Variants in COP1 observed in about 807,000 individuals in gnomAD.
The protein encoded by COP1 is COP1 E3 ubiquitin ligase.
In COP1, 24 loss-of-function variants were observed where a neutral mutation model predicts 101.3. The ratio of observed to expected loss-of-function variants is 0.24; its 90% CI spans 0.17 to 0.33. The LOEUF (loss-of-function observed/expected upper bound fraction) is 0.33, where lower values mean the gene tolerates loss of function less well. Among genes scored for constraint, COP1 ranks in the 10% least tolerant of loss-of-function variants. COP1 has a pLI of 1.00. For synonymous variants in COP1, 347 were observed against 341.9 expected (o/e 1.01, Z -0.17); for missense variants, 663 against 906.2 (o/e 0.73, Z 3.45).
rs74557986 is a variant in COP1, at chr1:176,156,977, C to T, written c.762+5892G>A. On this transcript the variant is annotated intron_variant, in intron 5 of 19. Transcript: ENST00000367669. Reference sequence around the variant, plus strand: ...CTTTTGGAGGCCAAGGCAGGCAGATCACCCAAGGCCAGGAGTTCGAGACCA... The same window carrying T: ...CTTTTGGAGGCCAAGGCAGGCAGATTACCCAAGGCCAGGAGTTCGAGACCA... 3.1e-3 allele frequency among the ~76,000 whole-genome samples: 478 copies of T among 152,238 alleles called. 1 individual carries two copies. Among genetic ancestry groups the T allele is most frequent in the African/African-American group, 0.011 (458 of 41,546 alleles).
At chr1:176,149,198 T>C in intron 5 of COP1, 124 bp from the exon 6 acceptor site, 1 of 469,502 alleles carries the variant, frequency 2.1e-6, no homozygotes, top group Non-Finnish European at 3.7e-6. Context: ...CTATTATTTC[T>C]ATTTAATCAG....
At chr1:175,950,370 A>C (rs530475575) in intron 18 of COP1, among the ~76,000 whole-genome samples, 3 of 152,346 alleles carry the variant, frequency 2.0e-5, no homozygotes, top group Admixed American at 2.0e-4. Context: ...GAATTAAACT[A>C]TCAGATAGCT....
chr1:176,173,342 A>AC (rs1696400770), intron 3 of COP1, among the ~76,000 whole-genome samples: 2 of 151,088 alleles, frequency 1.3e-5, no homozygotes, highest in African/African-American at 2.4e-5. Flanking sequence ...AAAAAAAAAA[A>AC]AACCAGTAAT....
At chr1:175,952,294 A>T (rs1650041053) in intron 18 of COP1, among the ~76,000 whole-genome samples, 1 of 151,734 alleles carries the variant, frequency 6.6e-6, no homozygotes, top group Non-Finnish European at 1.5e-5. Context: ...TGGTGGCAGG[A>T]GCCTGTAATC....
At chr1:176,202,364 T>G (rs564038699) in intron 1 of COP1, among the ~76,000 whole-genome samples, 1 of 152,064 alleles carries the variant, frequency 6.6e-6, no homozygotes, top group South Asian at 2.1e-4. Context: ...AATTTTTGTA[T>G]TTTTTGTAGA....
chr1:175,975,765 A>T (rs2148644556), intron 18 of COP1, among the ~76,000 whole-genome samples: 1 of 152,318 alleles, frequency 6.6e-6, no homozygotes, highest in South Asian at 2.1e-4. Context: ...TGAAAAGGAA[A>T]CACAAGTATG....
chr1:176,049,140 C>T (rs2149221456), intron 11 of COP1, among the ~76,000 whole-genome samples: 1 of 148,446 alleles, frequency 6.7e-6, no homozygotes, highest in South Asian at 2.2e-4. Context: ...CCATTGCAGT[C>T]CGCAGTCCGG....
At chr1:176,055,387 A>G (rs1448131460) in intron 11 of COP1, among the ~76,000 whole-genome samples, 1 of 152,228 alleles carries the variant, frequency 6.6e-6, no homozygotes, top group East Asian at 1.9e-4. Context: ...GTAAGCCGAG[A>G]TCGCACCACT....
intron 11 of COP1, among the ~76,000 whole-genome samples, chr1:176,063,056 T>TG (rs1675218496): frequency 7.2e-6 from 1 of 138,762 alleles, no homozygotes; most frequent in Non-Finnish European, 1.6e-5. Context: ...TGTTTTTTTT[T>TG]TTTTTTTTTT....
At chr1:175,958,348 A>G (rs1650925960) in intron 18 of COP1, among the ~76,000 whole-genome samples, 2 of 134,320 alleles carry the variant, frequency 1.5e-5, no homozygotes, top group South Asian at 2.6e-4. Context: ...TATCACTACT[A>G]TATTTATGAG....
chr1:176,158,317 G>C (rs1413730385), intron 5 of COP1, among the ~76,000 whole-genome samples: 1 of 152,024 alleles, frequency 6.6e-6, no homozygotes, highest in Non-Finnish European at 1.5e-5. Flanking sequence ...AAACACAAAA[G>C]TAAAATAAAG....
intron 1 of COP1, among the ~76,000 whole-genome samples, chr1:176,204,695 G>A (rs967119602): frequency 4.6e-5 from 7 of 152,180 alleles, no homozygotes; most frequent in African/African-American, 7.2e-5. Context: ...AGGCCGAGGC[G>A]AGCAGATCAC....
chr1:176,206,331 T>A (rs1047495421), intron 1 of COP1: 18 of 527,068 alleles, frequency 3.4e-5, no homozygotes, highest in Admixed American at 1.1e-4. Flanking sequence ...CACTTCCTCC[T>A]CAGCAACACT....
intron 11 of COP1, among the ~76,000 whole-genome samples, chr1:176,065,820 G>A (rs1489480020): frequency 6.7e-6 from 1 of 150,164 alleles, no homozygotes; most frequent in African/African-American, 2.5e-5. Context: ...CAATTCTCCT[G>A]CCTGAGCCTC....
chr1:176,058,662 T>C (rs538827401), intron 11 of COP1, among the ~76,000 whole-genome samples: 11 of 152,042 alleles, frequency 7.2e-5, no homozygotes, highest in African/African-American at 2.2e-4. Flanking sequence ...CCAGAGACCT[T>C]TGTTCACTTG....
At position 176,081,305 on chromosome 1, in the gene COP1, A is replaced by G. The variant is rs1679101623; in HGVS notation, c.1142-18T>C. ...ACTGTCATCTATATGAAAAAAAAAA[A>G]AAAAAGACAAAACAGATGAATTGAA... is the stretch of plus-strand genomic sequence containing the variant. On this transcript the variant is annotated intron_variant, in intron 10 of 19. Coordinates refer to ENST00000367669, the MANE Select transcript of COP1 (RefSeq NM_022457.7). The G allele has an allele frequency of 1.3e-6, 2 of 1,571,786 alleles. No homozygotes were observed. The highest frequency in any genetic ancestry group is 1.7e-6 in the Non-Finnish European group (2 of 1,165,474).
intron 9 of COP1, chr1:176,100,192 C>G (rs1052658841): frequency 1.1e-5 from 2 of 178,526 alleles, no homozygotes; most frequent in Non-Finnish European, 2.5e-5. Flanking sequence ...GAGTTCGAGA[C>G]CAGCCTGGCC....
At chr1:176,116,460 T>G (rs1278218777) in intron 9 of COP1, among the ~76,000 whole-genome samples, 164 bp downstream of exon 9, 2 of 152,228 alleles carry the variant, frequency 1.3e-5, no homozygotes, top group African/African-American at 4.8e-5. Context: ...ATATTAATAT[T>G]TGATTCTACC....
intron 11 of COP1, among the ~76,000 whole-genome samples, chr1:176,070,046 C>T (rs1277545912): frequency 2.0e-5 from 3 of 152,156 alleles, no homozygotes; most frequent in Non-Finnish European, 4.4e-5. Flanking sequence ...CTCTGTATAA[C>T]CAGAAAATTT....
Sources: allele counts gnomAD v4.1 joint callset (sites outside exome capture counted in the v4.1 genomes callset), GRCh38; gene constraint gnomAD v4.1.1; transcripts MANE v1.5; gene names NCBI Gene and HGNC (gene_info 2026-07-23, HGNC 2026-07-21).